CMIP: variants seen among roughly 807,000 people sequenced by gnomAD.
CMIP encodes c-Maf inducing protein, also known as C-Maf-inducing protein.
A neutral mutation model predicts 97.3 loss-of-function variants in CMIP; 13 were observed. The observed-to-expected ratio is 0.13, with a 90% CI of 0.09 to 0.21. The LOEUF (loss-of-function observed/expected upper bound fraction) is 0.21, where lower values mean the gene tolerates loss of function less well. CMIP is among the 10% of genes least tolerant of loss of function. CMIP has a pLI of 1.00. For synonymous variants in CMIP, 538 were observed against 436.3 expected (o/e 1.23, Z -2.91); for missense variants, 847 against 1,024.9 (o/e 0.83, Z 2.37).
intron 2 of CMIP, chr16:81,619,095 G>A (rs554474730): frequency 6.6e-6 from 1 of 152,310 alleles, no homozygotes; most frequent in South Asian, 2.1e-4. Flanking sequence ...CACTAGACAC[G>A]ACAGAGCCGA....
intron 3 of CMIP, among the ~76,000 whole-genome samples, chr16:81,623,290 G>GC: frequency 6.6e-6 from 1 of 152,362 alleles, no homozygotes; most frequent in South Asian, 2.1e-4. Context: ...GTTTCTAGCA[G>GC]CTCTCATGAA....
chr16:81,500,552 G>C (rs1476704264), intron 1 of CMIP, among the ~76,000 whole-genome samples: 1 of 147,770 alleles, frequency 6.8e-6, no homozygotes, highest in African/African-American at 2.5e-5. Flanking sequence ...GCAGTGGTGC[G>C]ATCTCCGCTC....
intron 1 of CMIP, among the ~76,000 whole-genome samples, chr16:81,597,780 C>A (rs2091586139): frequency 2.0e-5 from 3 of 152,130 alleles, no homozygotes; most frequent in Non-Finnish European, 4.4e-5. Flanking sequence ...TGCCCAGTGG[C>A]ACATATGAAA....
chr16:81,536,867 C>G (rs904379669), intron 1 of CMIP, among the ~76,000 whole-genome samples: 6 of 152,108 alleles, frequency 3.9e-5, no homozygotes, highest in African/African-American at 1.4e-4. Context: ...CACGTGTAAC[C>G]AGCGCCCAAA....
chr16:81,579,404 A>G (rs978942653), intron 1 of CMIP, among the ~76,000 whole-genome samples: 1 of 152,166 alleles, frequency 6.6e-6, no homozygotes, highest in African/African-American at 2.4e-5. Flanking sequence ...GCCCCAAAAC[A>G]GCCCTCCAGA....
Position 81,647,961 on chromosome 16 carries a change from A to C in CMIP, c.478-4242A>C, listed in dbSNP as rs1310955286. On this transcript the variant is annotated intron_variant, in intron 3 of 20. Coordinates refer to ENST00000537098, the MANE Select transcript of CMIP (RefSeq NM_198390.3). ...GCCCACCCTCCCCCCGCACCCGCAG[A>C]GCCGTAGCCCACCCTCCCCCCACAC... is the stretch of plus-strand genomic sequence containing the variant. 1.0e-3 allele frequency among the ~76,000 whole-genome samples: 32 copies of C among 30,676 alleles called. 1 individual carries two copies. The highest frequency in any genetic ancestry group is 4.6e-3 in the African/African-American group (32 of 6,986). 20.1% of individuals were successfully genotyped at this position (30,676 alleles called of 152,430 possible).
At chr16:81,600,978 T>G in intron 1 of CMIP, among the ~76,000 whole-genome samples, 1 of 152,084 alleles carries the variant, frequency 6.6e-6, no homozygotes, top group East Asian at 1.9e-4. Flanking sequence ...TTCCTTACAG[T>G]GGGGTGGTGC....
intron 1 of CMIP, chr16:81,464,539 G>C (rs1045023089): frequency 6.6e-6 from 1 of 152,142 alleles, no homozygotes; most frequent in African/African-American, 2.4e-5. Flanking sequence ...CGTTTTGGCA[G>C]CTGAAGTTCT....
intron 3 of CMIP, among the ~76,000 whole-genome samples, chr16:81,645,939 A>T (rs1176834016): frequency 6.6e-6 from 1 of 152,182 alleles, no homozygotes; most frequent in East Asian, 1.9e-4. Flanking sequence ...TGTAAGTTTC[A>T]TGAGCACCGG....
chr16:81,493,632 C>T (rs912243507), intron 1 of CMIP, among the ~76,000 whole-genome samples: 6 of 152,338 alleles, frequency 3.9e-5, no homozygotes, highest in African/African-American at 1.2e-4. Context: ...TAGGTCTGCT[C>T]GTTCCCACTC....
chr16:81,613,614 C>T (rs902862936), intron 2 of CMIP, among the ~76,000 whole-genome samples: 2 of 152,184 alleles, frequency 1.3e-5, no homozygotes, highest in South Asian at 2.1e-4. Context: ...AGCACTGTGC[C>T]TGGTACTTAG....
chr16:81,525,753 A>G (rs1281790888), intron 1 of CMIP, among the ~76,000 whole-genome samples: 1 of 152,214 alleles, frequency 6.6e-6, no homozygotes, highest in Admixed American at 6.5e-5. Context: ...CTCCGTCCTC[A>G]TTAAATGATA....
intron 7 of CMIP, chr16:81,664,638 T>C (rs1168411782): frequency 5.2e-6 from 3 of 574,512 alleles, no homozygotes; most frequent in Non-Finnish European, 9.2e-6. Context: ...ATAATGTCTG[T>C]AGATGCCCTG....
chr16:81,657,075 A>T (rs922501405), intron 4 of CMIP, among the ~76,000 whole-genome samples: 3 of 152,188 alleles, frequency 2.0e-5, no homozygotes, highest in African/African-American at 7.2e-5. Flanking sequence ...GAAATCCAAA[A>T]CACATGTTCC....
At chr16:81,574,850 C>G (rs187836278) in intron 1 of CMIP, among the ~76,000 whole-genome samples, 1 of 152,336 alleles carries the variant, frequency 6.6e-6, no homozygotes. Context: ...ACTGCAAGAT[C>G]ACGTGGGCAA....
intron 1 of CMIP, among the ~76,000 whole-genome samples, chr16:81,504,507 G>A (rs2089669109): frequency 6.6e-6 from 1 of 151,586 alleles, no homozygotes; most frequent in Non-Finnish European, 1.5e-5. Context: ...GCCGGGTGTA[G>A]TAGTGGGTGC....
At chr16:81,639,127 A>G (rs2092273321) in intron 3 of CMIP, among the ~76,000 whole-genome samples, 1 of 152,182 alleles carries the variant, frequency 6.6e-6, no homozygotes. Context: ...CCTGGTTCCT[A>G]CAGGGCCGGC....
chr16:81,706,385 G>A (rs1335142885), intron 19 of CMIP, among the ~76,000 whole-genome samples: 1 of 152,260 alleles, frequency 6.6e-6, no homozygotes, highest in Non-Finnish European at 1.5e-5. Flanking sequence ...AATGCTGGGT[G>A]GCTTGGGAGG....
chr16:81,534,926 C>T (rs893733073), intron 1 of CMIP, among the ~76,000 whole-genome samples: 1 of 152,112 alleles, frequency 6.6e-6, no homozygotes, highest in Non-Finnish European at 1.5e-5. Flanking sequence ...TGCCACTGTG[C>T]TGTTTTATTC....
Sources: gnomAD v4.1 joint callset for allele counts (sites outside exome capture counted in the v4.1 genomes callset) on GRCh38, gnomAD v4.1.1 for gene constraint, MANE v1.5 for transcripts, NCBI Gene and HGNC (gene_info 2026-07-23, HGNC 2026-07-21) for gene names.